FAF1: variants seen among roughly 807,000 people sequenced by gnomAD.
FAF1 encodes the protein FAS-associated factor 1.
FAF1 carries 25 observed loss-of-function variants against 92.5 expected under a neutral mutation model. The ratio of observed to expected loss-of-function variants is 0.27; its 90% CI spans 0.20 to 0.38. FAF1 has a LOEUF of 0.38. FAF1 is among the 10% of genes least tolerant of loss of function. FAF1 has a pLI of 1.00. For synonymous variants in FAF1, 234 were observed against 273.2 expected (o/e 0.86, Z 1.42); for missense variants, 636 against 793.3 (o/e 0.80, Z 2.38).
At chr1:50,763,242 A>C (rs1466174151) in intron 4 of FAF1, among the ~76,000 whole-genome samples, 2 of 152,198 alleles carry the variant, frequency 1.3e-5, no homozygotes, top group East Asian at 3.9e-4. Context: ...TGGGTGACAG[A>C]GTTAGGCTCC....
intron 9 of FAF1, among the ~76,000 whole-genome samples, chr1:50,592,074 C>T (rs1651545556): frequency 6.6e-6 from 1 of 152,094 alleles, no homozygotes; most frequent in African/African-American, 2.4e-5. Context: ...AAGTTCTTGC[C>T]TGCAAACATT....
At chr1:50,865,535 G>A (rs1325972849) in intron 1 of FAF1, among the ~76,000 whole-genome samples, 7 of 137,902 alleles carry the variant, frequency 5.1e-5, no homozygotes, top group African/African-American at 1.9e-4. Flanking sequence ...CATGTCCTTT[G>A]TAGGGACATG....
chr1:50,837,960 G>A (rs1644223652), intron 2 of FAF1, among the ~76,000 whole-genome samples: 1 of 152,104 alleles, frequency 6.6e-6, no homozygotes, highest in African/African-American at 2.4e-5. Flanking sequence ...AGCCAGGATG[G>A]TCTCCATCTC....
chr1:50,471,992 C>T (rs772940551), intron 18 of FAF1, among the ~76,000 whole-genome samples: 5 of 151,856 alleles, frequency 3.3e-5, no homozygotes, highest in East Asian at 1.9e-4. Context: ...GGAGAGAAAA[C>T]GGAAGATAAG....
intron 11 of FAF1, 112 bp from the exon 12 acceptor site, chr1:50,582,811 C>A: frequency 1.5e-6 from 1 of 669,158 alleles, no homozygotes. Flanking sequence ...CTAGTGCATA[C>A]TAAACATAAA....
At chr1:50,682,477 A>G (rs1015665181) in intron 7 of FAF1, among the ~76,000 whole-genome samples, 4 of 152,152 alleles carry the variant, frequency 2.6e-5, no homozygotes, top group South Asian at 2.1e-4. Context: ...AGGTTTTTGC[A>G]TCTTTCAATA....
chr1:50,788,157 A>T lies in FAF1; in HGVS notation c.210T>A (p.Ser70Arg). Residue 70 changes from serine to arginine, a missense_variant, in exon 4 of 19, where the codon AGT becomes AGA. Ser to Arg is a moderately radical substitution (Grantham distance 110). Transcript: ENST00000396153. ...TIPGPAFNPA[S>R]HPASAPTSSS... ...AGGAAGTAGGAGCTGAAGCTGGATG[A>T]CTTGCTGGATTAAATGCAGGTCCTG... The T allele has an allele frequency of 6.2e-7, 1 of 1,614,166 alleles. No homozygotes were observed.
At chr1:50,767,138 TAGAGCTGAG>T (rs1325112196) in intron 4 of FAF1, among the ~76,000 whole-genome samples, 1 of 152,202 alleles carries the variant, frequency 6.6e-6, no homozygotes, top group African/African-American at 2.4e-5. Context: ...AGTGATCTGA[TAGAGCTGAG>T]AAACTCACTT....
intron 1 of FAF1, among the ~76,000 whole-genome samples, chr1:50,882,203 A>G (rs897432135): frequency 6.6e-6 from 1 of 152,226 alleles, no homozygotes; most frequent in African/African-American, 2.4e-5. Context: ...GCCCCAAAAG[A>G]AAACACCTTG....
At chr1:50,725,465 A>AT (rs1658610650) in intron 6 of FAF1, among the ~76,000 whole-genome samples, 1 of 152,004 alleles carries the variant, frequency 6.6e-6, no homozygotes, top group East Asian at 1.9e-4. Flanking sequence ...TTTAAAAAAA[A>AT]TTTTTTTTGA....
intron 15 of FAF1, among the ~76,000 whole-genome samples, chr1:50,524,985 A>C (rs1303596876): frequency 6.6e-6 from 1 of 151,998 alleles, no homozygotes; most frequent in African/African-American, 2.4e-5. Context: ...TCTCAGGTTC[A>C]AGTGATTCTT....
At chr1:50,584,557 ACT>A in intron 10 of FAF1, 126 bp downstream of exon 10, 1 of 813,620 alleles carries the variant, frequency 1.2e-6, no homozygotes, top group South Asian at 2.4e-5. Context: ...AAGAATGCCT[ACT>A]CTCTATTATC....
At chr1:50,690,276 G>A (rs968864230) in intron 7 of FAF1, among the ~76,000 whole-genome samples, 55 of 151,918 alleles carry the variant, frequency 3.6e-4, no homozygotes, top group African/African-American at 1.3e-3. Context: ...GTGAGCCACC[G>A]CACCCGGCAA....
rs750146923 is a variant in FAF1 at position 50,620,056 on chromosome 1, C to T, written c.745-23840G>A. Among the ~76,000 whole-genome samples, 22 of 152,084 alleles carry T rather than the reference C, an allele frequency of 1.4e-4. No homozygotes were observed. In the Middle Eastern group the frequency reaches 0.014, roughly 94 times the overall value. On this transcript the variant is annotated intron_variant, in intron 8 of 18. Transcript: ENST00000396153. ...CCCAAGTAGCTGGGACTACAGGTGC[C>T]CACCACTACGCCTGGCTAATTTTTG...
At chr1:50,654,135 A>T (rs954330187) in intron 8 of FAF1, among the ~76,000 whole-genome samples, 6 of 152,184 alleles carry the variant, frequency 3.9e-5, no homozygotes, top group African/African-American at 1.4e-4. Flanking sequence ...GAATTCTTTT[A>T]TATTAAAATA....
chr1:50,898,091 G>A (rs1644770364), intron 1 of FAF1, among the ~76,000 whole-genome samples: 1 of 152,186 alleles, frequency 6.6e-6, no homozygotes, highest in African/African-American at 2.4e-5. Context: ...GAAGTTGTTT[G>A]CTACACAGCA....
At chr1:50,709,261 G>A (rs1286910547) in intron 6 of FAF1, among the ~76,000 whole-genome samples, 1 of 152,084 alleles carries the variant, frequency 6.6e-6, no homozygotes, top group Non-Finnish European at 1.5e-5. Context: ...CTTGGGTTTA[G>A]TAATGACCTT....
chr1:50,510,097 C>T (rs1306496620), intron 15 of FAF1, among the ~76,000 whole-genome samples: 1 of 143,032 alleles, frequency 7.0e-6, no homozygotes, highest in African/African-American at 2.6e-5. Flanking sequence ...ACCTGGGAGG[C>T]GGGGGTTGCA....
At chr1:50,702,570 A>T (rs1401262313) in intron 7 of FAF1, among the ~76,000 whole-genome samples, 1 of 152,096 alleles carries the variant, frequency 6.6e-6, no homozygotes, top group African/African-American at 2.4e-5. Flanking sequence ...TGACCTTTTT[A>T]TACTGTCACT....
Sources: allele counts gnomAD v4.1 joint callset (sites outside exome capture counted in the v4.1 genomes callset), GRCh38; gene constraint gnomAD v4.1.1; transcripts MANE v1.5; gene names NCBI Gene and HGNC (gene_info 2026-07-23, HGNC 2026-07-21).